The following NEDD4L variants were observed in gnomAD, a reference collection of about 807,000 sequenced individuals.
NEDD4L encodes NEDD4 like E3 ubiquitin protein ligase, also known as E3 ubiquitin-protein ligase NEDD4-like.
Under a neutral mutation model 148.9 loss-of-function variants are expected in NEDD4L, and 54 were observed. That is an observed-to-expected ratio of 0.36 (90% CI 0.29 to 0.45). The LOEUF is 0.45. Ranked by LOEUF, NEDD4L falls within the 20% of genes least tolerant of loss-of-function variation. NEDD4L has a pLI of 1.00. For missense variants in NEDD4L, 856 were observed against 1,233.8 expected (o/e 0.69, Z 4.59); for synonymous variants, 433 against 440.7 (o/e 0.98, Z 0.22).
chr18:58,095,229 C>T (rs1222029884), intron 1 of NEDD4L, among the ~76,000 whole-genome samples: 1 of 152,240 alleles, frequency 6.6e-6, no homozygotes, highest in Non-Finnish European at 1.5e-5. Flanking sequence ...GAGCTACACA[C>T]TGTGCTTGGC....
intron 5 of NEDD4L, among the ~76,000 whole-genome samples, chr18:58,253,110 T>C (rs2048117539): frequency 6.6e-6 from 1 of 152,240 alleles, no homozygotes. Context: ...TTAAGAATCC[T>C]TTCTGCAGTA....
At chr18:58,267,638 G>A (rs1392456371) in intron 5 of NEDD4L, among the ~76,000 whole-genome samples, 3 of 152,018 alleles carry the variant, frequency 2.0e-5, no homozygotes, top group Non-Finnish European at 2.9e-5. Context: ...TCATTTTCAT[G>A]TTGCAATGCC....
intron 2 of NEDD4L, among the ~76,000 whole-genome samples, chr18:58,209,711 G>T (rs2602167): frequency 0.44 from 66,324 of 151,316 alleles, 15,811 homozygotes; most frequent in African/African-American, 0.64. Context: ...GATCAACTAA[G>T]TAAACAAAAA....
chr18:58,077,948 C>T (rs770088080), intron 1 of NEDD4L, among the ~76,000 whole-genome samples: 5 of 151,488 alleles, frequency 3.3e-5, no homozygotes, highest in Non-Finnish European at 5.9e-5. Flanking sequence ...TGTAATGCAC[C>T]GGACAGCCCC....
chr18:58,085,953 T>G (rs1157820211), intron 1 of NEDD4L, among the ~76,000 whole-genome samples: 1 of 152,198 alleles, frequency 6.6e-6, no homozygotes, highest in East Asian at 1.9e-4. Flanking sequence ...GTTCCTTTAT[T>G]AAGGGATGGG....
intron 1 of NEDD4L, among the ~76,000 whole-genome samples, chr18:58,116,233 C>G (rs566092705): frequency 3.4e-4 from 52 of 152,346 alleles, no homozygotes; most frequent in Admixed American, 6.5e-4. Flanking sequence ...TCTTCTTGCC[C>G]TGTAAGCATT....
At chr18:58,378,148 G>A (rs2047819013) in intron 24 of NEDD4L, among the ~76,000 whole-genome samples, 2 of 152,262 alleles carry the variant, frequency 1.3e-5, no homozygotes, top group South Asian at 4.2e-4. Context: ...TTAGGATCGG[G>A]TCGAGCCAGT....
rs527759064 is a variant in NEDD4L, at chr18:58,143,812, G to A, written c.49-21976G>A. ...CGAAGGAAGGGAGAAGAGAGGGACC[G>A]AGGGCCAGCAATAGGGTTTTACAGC... is the stretch of plus-strand genomic sequence containing the variant. On this transcript the variant is annotated intron_variant, in intron 1 of 30. Transcript: ENST00000400345. 1.2e-4 allele frequency among the ~76,000 whole-genome samples: 19 copies of A among 152,278 alleles called. No homozygotes were observed. In the East Asian group the frequency reaches 1.4e-3, roughly 11 times the overall value.
intron 25 of NEDD4L, among the ~76,000 whole-genome samples, 152 bp downstream of exon 25, chr18:58,383,471 TG>T (rs1391575609): frequency 6.6e-6 from 1 of 152,204 alleles, no homozygotes; most frequent in East Asian, 1.9e-4. Context: ...CTTGGGCTAA[TG>T]GGAAGTTGAA....
chr18:58,338,889 C>G (rs142912938), intron 13 of NEDD4L, among the ~76,000 whole-genome samples: 118 of 152,252 alleles, frequency 7.8e-4, no homozygotes, highest in African/African-American at 2.8e-3. Flanking sequence ...GTACTCCAGC[C>G]TGGGCGACAG....
At chr18:58,331,849 T>TA (rs2059815841) in intron 11 of NEDD4L, among the ~76,000 whole-genome samples, 2 of 152,226 alleles carry the variant, frequency 1.3e-5, no homozygotes, top group Non-Finnish European at 2.9e-5. Flanking sequence ...ACTTTTTGGT[T>TA]ATGGTGTTTT....
intron 15 of NEDD4L, among the ~76,000 whole-genome samples, chr18:58,342,621 T>C (rs973024884): frequency 6.8e-6 from 1 of 147,904 alleles, no homozygotes; most frequent in Non-Finnish European, 1.5e-5. Flanking sequence ...CTCCACTCTG[T>C]AAAATCTCCA....
intron 2 of NEDD4L, among the ~76,000 whole-genome samples, chr18:58,189,400 A>C (rs2039846091): frequency 2.0e-5 from 3 of 152,264 alleles, no homozygotes; most frequent in East Asian, 1.9e-4. Flanking sequence ...AATAACTTAC[A>C]AACAATGAGC....
intron 1 of NEDD4L, among the ~76,000 whole-genome samples, chr18:58,136,092 A>G (rs1186260113): frequency 6.6e-6 from 1 of 152,208 alleles, no homozygotes; most frequent in Non-Finnish European, 1.5e-5. Flanking sequence ...GCTTAGAGGT[A>G]AAGCAAGAAA....
At chr18:58,180,886 T>C (rs976445177) in intron 2 of NEDD4L, among the ~76,000 whole-genome samples, 1 of 152,244 alleles carries the variant, frequency 6.6e-6, no homozygotes, top group Admixed American at 6.5e-5. Flanking sequence ...ACCTCTTAAC[T>C]GTCTATTCCT....
In NEDD4L at chr18:58,223,791, C is replaced by G. The variant is rs1482638685; in HGVS notation, c.123-21636C>G. Among the ~76,000 whole-genome samples, 7 of 152,340 alleles carry G rather than the reference C, an allele frequency of 4.6e-5. No homozygotes were observed. The East Asian group carries it at 1.4e-3, about 29-fold the overall frequency. ...CACGGAGGTTTCAGAGGCCGTTGGC[C>G]TTCAGGGCAATGGCAGAAGCACATG... On this transcript the variant is annotated intron_variant, in intron 2 of 30. Transcript: ENST00000400345.
chr18:58,299,479 T>C (rs1455768150), intron 5 of NEDD4L, among the ~76,000 whole-genome samples: 3 of 152,240 alleles, frequency 2.0e-5, no homozygotes, highest in African/African-American at 7.2e-5. Context: ...CAGTATGTAC[T>C]AATGAATCAA....
chr18:58,268,621 A>G (rs2050576705), intron 5 of NEDD4L, among the ~76,000 whole-genome samples: 1 of 152,110 alleles, frequency 6.6e-6, no homozygotes, highest in Non-Finnish European at 1.5e-5. Context: ...GCAAGAATAG[A>G]GATGGGTAGC....
rs567711936 is a variant in NEDD4L, at chr18:58,272,388, C to T, written c.297+20334C>T. ...TAGTGACTCACACCTGTAATCCCAG[C>T]GCTTTGAGAGGCCGAGGCAGATAGA... On this transcript the variant is annotated intron_variant, in intron 5 of 30. Transcript: ENST00000400345. 2.2e-3 allele frequency among the ~76,000 whole-genome samples: 334 copies of T among 152,224 alleles called. 4 individuals carry two copies. Among genetic ancestry groups the T allele is most frequent in the Non-Finnish European group, 6.6e-4 (45 of 68,024 alleles).
Sources: allele counts gnomAD v4.1 joint callset (sites outside exome capture counted in the v4.1 genomes callset), GRCh38; gene constraint gnomAD v4.1.1; transcripts MANE v1.5; gene names NCBI Gene and HGNC (gene_info 2026-07-23, HGNC 2026-07-21).